Variants in P3H2 observed in about 807,000 individuals in gnomAD.
P3H2 encodes the protein leprecan-like 1.
P3H2 carries 80 observed loss-of-function variants against 87.0 expected under a neutral mutation model. That is an observed-to-expected ratio of 0.92 (90% CI 0.77 to 1.11). The LOEUF (loss-of-function observed/expected upper bound fraction) is 1.11, where lower values mean the gene tolerates loss of function less well. Ranked by LOEUF, P3H2 falls within the 50% of genes least tolerant of loss-of-function variation. P3H2 has a pLI of 0.00. For synonymous variants in P3H2, 367 were observed against 359.3 expected, an observed-to-expected ratio of 1.02 and a Z score of -0.24; for missense variants, 1,001 against 923.9, an observed-to-expected ratio of 1.08 and a Z score of -1.08.
At chr3:190,105,365 T>C (rs1281762405) in intron 1 of P3H2, among the ~76,000 whole-genome samples, 3 of 152,214 alleles carry the variant, frequency 2.0e-5, no homozygotes, top group African/African-American at 7.2e-5. Flanking sequence ...ATAATCTTTT[T>C]TGAAACTGCA....
intron 3 of P3H2, among the ~76,000 whole-genome samples, chr3:189,992,993 C>T (rs929118275): frequency 1.3e-5 from 2 of 152,028 alleles, no homozygotes; most frequent in African/African-American, 4.8e-5. Flanking sequence ...TAAAGTTTAA[C>T]TTGTTCTTTA....
In P3H2 at chr3:190,020,721, G is replaced by C. The variant is rs181589768; in HGVS notation, c.481-25279C>G. Among the ~76,000 whole-genome samples, 29 of 133,636 alleles carry C rather than the reference G, an allele frequency of 2.2e-4. 5 individuals carry two copies. The highest frequency in any genetic ancestry group is 7.2e-4 in the African/African-American group (28 of 38,716). 87.7% of individuals were successfully genotyped at this position (133,636 alleles called of 152,430 possible). A position where few individuals can be genotyped will look rare whatever the true frequency, so the allele number is the denominator to read the frequency against. The stretch of plus-strand genomic sequence containing the variant: ...GGTGATTTTTCCTATGCATGGTCTG[G>C]CTGGGCGGCTGCTACCCACACGTTG... On this transcript the variant is annotated intron_variant, in intron 1 of 14. Coordinates refer to ENST00000319332, the MANE Select transcript of P3H2 (RefSeq NM_018192.4).
intron 1 of P3H2, among the ~76,000 whole-genome samples, chr3:190,071,437 T>A (rs908208580): frequency 6.6e-6 from 1 of 152,232 alleles, no homozygotes; most frequent in African/African-American, 2.4e-5. Flanking sequence ...TCAGCTTCCA[T>A]ACTAATTCTG....
In P3H2 at chr3:190,080,330, T is replaced by C. The variant is rs545252148; in HGVS notation, c.480+39922A>G. Among the ~76,000 whole-genome samples the C allele has an allele frequency of 5.3e-5, 8 of 152,318 alleles. No individual in the cohort carries two copies. In the South Asian group the frequency reaches 1.2e-3, roughly 24 times the overall value. Reference sequence around the variant, plus strand: ...GACCTTGAGTGCCATAGTAAGAGTTTTGGCCACACAACATCTGATCATGTT... The same window carrying C: ...GACCTTGAGTGCCATAGTAAGAGTTCTGGCCACACAACATCTGATCATGTT... On this transcript the variant is annotated intron_variant, in intron 1 of 14. Coordinates refer to ENST00000319332, the MANE Select transcript of P3H2 (RefSeq NM_018192.4).
chr3:190,106,599 C>A (rs1711847716), intron 1 of P3H2, among the ~76,000 whole-genome samples: 1 of 151,234 alleles, frequency 6.6e-6, no homozygotes, highest in Non-Finnish European at 1.5e-5. Flanking sequence ...TGATTATTGT[C>A]ATTTTCCCGA....
chr3:190,007,965 C>CACACACACATATATATATAT, intron 1 of P3H2, among the ~76,000 whole-genome samples: 1,228 of 94,288 alleles, frequency 0.013, 14 homozygotes, highest in East Asian at 0.029. Context: ...TGTTGACACA[C>CACACACACATATATATATAT]ATATATATAT....
At chr3:190,087,775 A>G (rs904641470) in intron 1 of P3H2, among the ~76,000 whole-genome samples, 12 of 152,162 alleles carry the variant, frequency 7.9e-5, no homozygotes, top group African/African-American at 2.9e-4. Flanking sequence ...AGGAGTGGGA[A>G]AAAGTAAGCA....
At chr3:190,000,064 A>G (rs1023422869) in intron 1 of P3H2, among the ~76,000 whole-genome samples, 5 of 152,220 alleles carry the variant, frequency 3.3e-5, no homozygotes, top group Non-Finnish European at 5.9e-5. Flanking sequence ...ACGGATTGCT[A>G]AAGCACACAT....
At chr3:189,979,114 C>T (rs1232108618) in intron 8 of P3H2, among the ~76,000 whole-genome samples, 1 of 152,004 alleles carries the variant, frequency 6.6e-6, no homozygotes, top group Non-Finnish European at 1.5e-5. Context: ...ATGAGTACAG[C>T]CTTTTACAGT....
chr3:190,066,158 T>TATATATAC (rs1256956930), intron 1 of P3H2, among the ~76,000 whole-genome samples: 3 of 134,600 alleles, frequency 2.2e-5, no homozygotes, highest in African/African-American at 9.3e-5. Context: ...TATATATATA[T>TATATATAC]ACACACACAC....
intron 1 of P3H2, among the ~76,000 whole-genome samples, chr3:190,083,281 C>T (rs199913162): frequency 6.6e-6 from 1 of 152,108 alleles, no homozygotes; most frequent in Non-Finnish European, 1.5e-5. Flanking sequence ...GGATTTCTAA[C>T]AAAGAGGAAA....
At chr3:190,085,730 C>T (rs1305263398) in intron 1 of P3H2, among the ~76,000 whole-genome samples, 1 of 151,844 alleles carries the variant, frequency 6.6e-6, no homozygotes, top group East Asian at 1.9e-4. Context: ...GAGTTATTGG[C>T]ATATTTAATA....
chr3:190,031,563 G>C (rs911019926), intron 1 of P3H2, among the ~76,000 whole-genome samples: 1 of 151,974 alleles, frequency 6.6e-6, no homozygotes, highest in Non-Finnish European at 1.5e-5. Flanking sequence ...CTGGAACCTG[G>C]GAGGTAGAGG....
At chr3:190,088,765 GATTA>G (rs1727311315) in intron 1 of P3H2, among the ~76,000 whole-genome samples, 2 of 152,084 alleles carry the variant, frequency 1.3e-5, no homozygotes, top group South Asian at 2.1e-4. Context: ...AACTTAATGA[GATTA>G]ATTCTGATTA....
intron 1 of P3H2, among the ~76,000 whole-genome samples, chr3:190,032,411 G>A (rs1446352767): frequency 6.6e-6 from 1 of 152,036 alleles, no homozygotes; most frequent in Non-Finnish European, 1.5e-5. Flanking sequence ...TAATTTCTGT[G>A]ATTTAGTCTC....
At chr3:190,051,886 C>T (rs1386081245) in intron 1 of P3H2, among the ~76,000 whole-genome samples, 1 of 152,092 alleles carries the variant, frequency 6.6e-6, no homozygotes, top group Non-Finnish European at 1.5e-5. Flanking sequence ...AAGGACTTCC[C>T]CTCTCAGGCC....
At chr3:189,962,467 G>A (rs749664332) in intron 14 of P3H2, among the ~76,000 whole-genome samples, 3 of 152,236 alleles carry the variant, frequency 2.0e-5, no homozygotes, top group South Asian at 2.1e-4. Flanking sequence ...GAGCCACCAC[G>A]CCCAGCCAGG....
At chr3:190,108,562 T>C (rs924865423) in intron 1 of P3H2, among the ~76,000 whole-genome samples, 1 of 152,230 alleles carries the variant, frequency 6.6e-6, no homozygotes, top group African/African-American at 2.4e-5. Context: ...TTTCACTTTT[T>C]TGATACAAAA....
intron 6 of P3H2, among the ~76,000 whole-genome samples, chr3:189,985,479 G>A (rs545255507): frequency 1.8e-4 from 28 of 151,496 alleles, no homozygotes; most frequent in African/African-American, 6.3e-4. Context: ...TGTTCAATCT[G>A]TTGTGAGCTA....
Sources: gnomAD v4.1 joint callset for allele counts (sites outside exome capture counted in the v4.1 genomes callset) on GRCh38, gnomAD v4.1.1 for gene constraint, MANE v1.5 for transcripts, NCBI Gene and HGNC (gene_info 2026-07-23, HGNC 2026-07-21) for gene names.